The following DCLK1 variants were observed in gnomAD, a reference collection of about 807,000 sequenced individuals.
DCLK1 encodes serine/threonine-protein kinase DCLK1.
A neutral mutation model predicts 86.2 loss-of-function variants in DCLK1; 16 were observed. The ratio of observed to expected loss-of-function variants is 0.19; its 90% CI spans 0.13 to 0.28. The LOEUF is 0.28. Among genes scored for constraint, DCLK1 ranks in the 10% least tolerant of loss-of-function variants. DCLK1 has a pLI of 1.00. For synonymous variants in DCLK1, 369 were observed against 370.5 expected, an observed-to-expected ratio of 1.00 and a Z score of 0.05; for missense variants, 590 against 940.2, an observed-to-expected ratio of 0.63 and a Z score of 4.87.
chr13:36,078,614 T>C (rs1278789064), intron 3 of DCLK1, among the ~76,000 whole-genome samples: 1 of 152,162 alleles, frequency 6.6e-6, no homozygotes, highest in African/African-American at 2.4e-5. Context: ...ATGAGCTATC[T>C]CCAAATGAAG....
intron 3 of DCLK1, among the ~76,000 whole-genome samples, chr13:36,090,821 T>C (rs1884793325): frequency 6.6e-6 from 1 of 152,072 alleles, no homozygotes; most frequent in African/African-American, 2.4e-5. Context: ...GATCTCATGA[T>C]CATGAGCTTG....
intron 6 of DCLK1, chr13:35,848,713 G>A (rs560611138): frequency 6.6e-5 from 65 of 985,156 alleles, no homozygotes; most frequent in Non-Finnish European, 7.4e-5. Flanking sequence ...AAAATTATTG[G>A]AATTTATTTT....
intron 3 of DCLK1, among the ~76,000 whole-genome samples, chr13:36,066,173 C>T (rs1249164203): frequency 6.6e-6 from 1 of 152,104 alleles, no homozygotes; most frequent in Non-Finnish European, 1.5e-5. Flanking sequence ...GAGCACATAA[C>T]GTTCCTGCAA....
intron 15 of DCLK1, among the ~76,000 whole-genome samples, chr13:35,801,113 T>A (rs9574635): frequency 0.17 from 25,165 of 152,096 alleles, 3,209 homozygotes; most frequent in African/African-American, 0.35. Flanking sequence ...GCAGAGAAAG[T>A]GCTTTTTGAC....
chr13:36,051,842 CTTA>C (rs1883133963), intron 3 of DCLK1, among the ~76,000 whole-genome samples: 7 of 152,018 alleles, frequency 4.6e-5, no homozygotes, highest in Admixed American at 4.6e-4. Context: ...CAATACTTTC[CTTA>C]TTATAGTGAT....
intron 3 of DCLK1, among the ~76,000 whole-genome samples, chr13:36,059,675 C>A (rs571482340): frequency 6.6e-6 from 1 of 152,212 alleles, no homozygotes; most frequent in Admixed American, 6.5e-5. Flanking sequence ...CCAGTGTAAT[C>A]CTTAACCCCA....
At chr13:35,861,605 C>T (rs1375319728) in intron 5 of DCLK1, among the ~76,000 whole-genome samples, 1 of 149,646 alleles carries the variant, frequency 6.7e-6, no homozygotes, top group Non-Finnish European at 1.5e-5. Context: ...CCATTCAGTT[C>T]TCATGCTACC....
intron 11 of DCLK1, among the ~76,000 whole-genome samples, chr13:35,815,958 A>G (rs772658467): frequency 2.6e-5 from 4 of 152,214 alleles, no homozygotes; most frequent in East Asian, 1.9e-4. Flanking sequence ...TTGCTCTTCA[A>G]TATTACACTG....
intron 4 of DCLK1, among the ~76,000 whole-genome samples, chr13:35,911,981 AC>A (rs937412985): frequency 6.6e-6 from 1 of 152,164 alleles, no homozygotes; most frequent in Non-Finnish European, 1.5e-5. Flanking sequence ...CATCTCTCCA[AC>A]CATGCTTCCC....
intron 3 of DCLK1, among the ~76,000 whole-genome samples, chr13:36,014,073 C>T (rs113304057): frequency 1.3e-4 from 20 of 152,338 alleles, no homozygotes; most frequent in South Asian, 4.1e-4. Context: ...GGCTCGCGCA[C>T]GGTGCGCGCA....
chr13:35,968,271 C>T (rs1239859934), intron 3 of DCLK1, among the ~76,000 whole-genome samples: 1 of 152,154 alleles, frequency 6.6e-6, no homozygotes, highest in African/African-American at 2.4e-5. Context: ...GAGTCTGCAG[C>T]TTCAGTTGAA....
At chr13:36,117,342 A>G (rs1885824937) in intron 2 of DCLK1, among the ~76,000 whole-genome samples, 1 of 152,172 alleles carries the variant, frequency 6.6e-6, no homozygotes, top group Admixed American at 6.5e-5. Flanking sequence ...GGGTGCTTAA[A>G]TAGTAAGCCA....
intron 3 of DCLK1, among the ~76,000 whole-genome samples, chr13:36,020,824 C>A: frequency 6.6e-6 from 1 of 152,254 alleles, no homozygotes; most frequent in Non-Finnish European, 1.5e-5. Flanking sequence ...CAGAGAAAAT[C>A]TGTCACTAGC....
At chr13:35,953,864 G>A (rs1012816061) in intron 3 of DCLK1, among the ~76,000 whole-genome samples, 1 of 152,168 alleles carries the variant, frequency 6.6e-6, no homozygotes, top group African/African-American at 2.4e-5. Context: ...CGAAACAGGG[G>A]ATATCTCTGC....
intron 3 of DCLK1, among the ~76,000 whole-genome samples, chr13:36,087,851 G>C (rs1010118567): frequency 1.3e-5 from 2 of 152,164 alleles, no homozygotes; most frequent in Non-Finnish European, 2.9e-5. Context: ...GGGAAACAAG[G>C]GGAAGGCAGG....
intron 3 of DCLK1, among the ~76,000 whole-genome samples, chr13:36,104,953 G>A (rs1885338307): frequency 6.6e-6 from 1 of 151,920 alleles, no homozygotes; most frequent in African/African-American, 2.4e-5. Flanking sequence ...AGAACAGAAG[G>A]GAGAAGGACT....
At chr13:35,905,469 A>C (rs1306376174) in intron 4 of DCLK1, among the ~76,000 whole-genome samples, 1 of 152,206 alleles carries the variant, frequency 6.6e-6, no homozygotes, top group African/African-American at 2.4e-5. Flanking sequence ...TGGCCACCTC[A>C]CTTCCACAAG....
chr13:35,842,116 C>A (rs958648338), intron 6 of DCLK1, among the ~76,000 whole-genome samples: 42 of 149,138 alleles, frequency 2.8e-4, no homozygotes, highest in African/African-American at 9.4e-4. Context: ...GTAGTCCCAG[C>A]TAATCGGGAG....
At chr13:35,851,398 G>T (rs983976026) in intron 6 of DCLK1, among the ~76,000 whole-genome samples, 1 of 151,624 alleles carries the variant, frequency 6.6e-6, no homozygotes, top group Non-Finnish European at 1.5e-5. Context: ...TCCCCTTCCT[G>T]CTACTAGATC....
Sources: allele counts gnomAD v4.1 joint callset (sites outside exome capture counted in the v4.1 genomes callset), GRCh38; gene constraint gnomAD v4.1.1; transcripts MANE v1.5; gene names NCBI Gene and HGNC (gene_info 2026-07-23, HGNC 2026-07-21).